Variants in ZC3H12B observed in about 807,000 individuals in gnomAD.
ZC3H12B encodes the protein probable ribonuclease ZC3H12B.
A neutral mutation model predicts 43.9 loss-of-function variants in ZC3H12B; 7 were observed. The observed-to-expected ratio is 0.16, with a 90% CI of 0.09 to 0.30. The LOEUF is 0.30. Among genes scored for constraint, ZC3H12B ranks in the 10% least tolerant of loss-of-function variants. The probability of loss-of-function intolerance (pLI) is 1.00; values close to 1 mark genes in which losing one functional copy is unlikely to be tolerated. For missense variants in ZC3H12B, 475 were observed against 670.2 expected, an observed-to-expected ratio of 0.71 and a Z score of 3.22; for synonymous variants, 222 against 241.7, an observed-to-expected ratio of 0.92 and a Z score of 0.76.
At chrX:65,448,508 A>G (rs2067411726) in intron 3 of ZC3H12B, among the ~76,000 whole-genome samples, 1 of 111,439 alleles carries the variant, frequency 9.0e-6, no homozygotes, top group African/African-American at 3.3e-5. Context: ...GTGCCCATCA[A>G]CAAATGTGTG....
At chrX:65,384,396 A>T (rs2066491548) in intron 2 of ZC3H12B, among the ~76,000 whole-genome samples, 1 of 111,313 alleles carries the variant, frequency 9.0e-6, no homozygotes, top group South Asian at 3.8e-4. Flanking sequence ...TAGCATTGGG[A>T]GATATACCTA....
At chrX:65,394,064 T>C (rs192880980) in intron 2 of ZC3H12B, among the ~76,000 whole-genome samples, 1 of 112,525 alleles carries the variant, frequency 8.9e-6, no homozygotes, top group African/African-American at 3.2e-5. Flanking sequence ...TTTTTTCTTG[T>C]AAATTTGTTT....
At chrX:65,231,871 A>G in the ZC3H12B span, among the ~76,000 whole-genome samples, 1 of 111,602 alleles carries the variant, frequency 9.0e-6, no homozygotes, top group Non-Finnish European at 1.9e-5. Flanking sequence ...TGTACAGTTA[A>G]CGCAATCATC....
chrX:65,274,342 A>G, the ZC3H12B span, among the ~76,000 whole-genome samples: 1 of 110,698 alleles, frequency 9.0e-6, no homozygotes, highest in South Asian at 3.8e-4. Context: ...GCTCAGCACC[A>G]TTTTGAGACC....
chrX:65,267,293 C>T, the ZC3H12B span, among the ~76,000 whole-genome samples: 2 of 105,350 alleles, frequency 1.9e-5, no homozygotes, highest in South Asian at 8.3e-4. Flanking sequence ...TCACTGGCTA[C>T]ACAAGAAAAA....
At chrX:65,323,903 G>T in the ZC3H12B span, among the ~76,000 whole-genome samples, 7 of 112,025 alleles carry the variant, frequency 6.2e-5, no homozygotes, top group East Asian at 8.4e-4. Context: ...GCATGAGATG[G>T]TATCTCATTG....
At chrX:65,279,811 C>G in the ZC3H12B span, among the ~76,000 whole-genome samples, 1 of 111,701 alleles carries the variant, frequency 9.0e-6, no homozygotes, top group Non-Finnish European at 1.9e-5. Context: ...AAAATATTTG[C>G]AAACTATGCA....
chrX:65,162,885 C>T, the ZC3H12B span, among the ~76,000 whole-genome samples: 1 of 111,840 alleles, frequency 8.9e-6, no homozygotes, highest in Admixed American at 9.5e-5. Context: ...GTTTTTTCCC[C>T]ATCTGTGTGG....
chrX:65,225,686 T>G, the ZC3H12B span, among the ~76,000 whole-genome samples: 2 of 111,007 alleles, frequency 1.8e-5, no homozygotes, highest in Non-Finnish European at 3.8e-5. Context: ...TTAAAGGAGG[T>G]GATGGAGCTG....
chrX:65,295,147 T>C, the ZC3H12B span, among the ~76,000 whole-genome samples: 1 of 111,339 alleles, frequency 9.0e-6, no homozygotes, highest in Non-Finnish European at 1.9e-5. Context: ...TGAAATGATA[T>C]TAAGTATTGT....
At chrX:65,293,797 G>T in the ZC3H12B span, among the ~76,000 whole-genome samples, 2 of 111,070 alleles carry the variant, frequency 1.8e-5, no homozygotes, top group Non-Finnish European at 3.8e-5. Context: ...CCCAATCCAA[G>T]AAAGACAAAG....
intron 2 of ZC3H12B, 121 bp downstream of exon 7, chrX:65,497,392 A>T: frequency 1.6e-6 from 1 of 628,945 alleles, no homozygotes; most frequent in Non-Finnish European, 2.2e-6. Context: ...AAGTATTTTT[A>T]TTAAGCATAT....
the ZC3H12B span, among the ~76,000 whole-genome samples, chrX:65,053,627 AT>A: frequency 4.1e-4 from 46 of 111,689 alleles, no homozygotes; most frequent in East Asian, 3.4e-3. Context: ...ATACCCAGTA[AT>A]GGGATGGCTG....
At chrX:65,092,102 C>A in the ZC3H12B span, among the ~76,000 whole-genome samples, 1 of 111,761 alleles carries the variant, frequency 8.9e-6, no homozygotes, top group African/African-American at 3.3e-5. Flanking sequence ...TCATCCTGCT[C>A]TGGTCTTGTG....
chrX:65,349,959 A>T, the ZC3H12B span, among the ~76,000 whole-genome samples: 1 of 112,175 alleles, frequency 8.9e-6, no homozygotes, highest in Non-Finnish European at 1.9e-5. Flanking sequence ...TCCTTCTGAA[A>T]CTATTCCAAA....
chrX:65,092,463 G>T, the ZC3H12B span, among the ~76,000 whole-genome samples: 1 of 111,718 alleles, frequency 9.0e-6, no homozygotes, highest in East Asian at 2.8e-4. Context: ...TGGTTAAATG[G>T]TTGTATTCAC....
At chrX:65,259,531 C>A in the ZC3H12B span, among the ~76,000 whole-genome samples, 1 of 111,692 alleles carries the variant, frequency 9.0e-6, no homozygotes, top group Non-Finnish European at 1.9e-5. Flanking sequence ...GATGCCAAAA[C>A]CAAGTGCAAG....
At chrX:65,216,608 C>A in the ZC3H12B span, among the ~76,000 whole-genome samples, 2 of 111,549 alleles carry the variant, frequency 1.8e-5, no homozygotes, top group Non-Finnish European at 1.9e-5. Flanking sequence ...GCTTGAGATA[C>A]AACCCAGTGC....
the ZC3H12B span, among the ~76,000 whole-genome samples, chrX:65,100,566 CAAAAA>C: frequency 8.8e-4 from 4 of 4,527 alleles, no homozygotes; most frequent in African/African-American, 3.4e-3. Context: ...AAAGATAAAG[CAAAAA>C]AAAAAAAAAA....
Sources: gnomAD v4.1 joint callset for allele counts (sites outside exome capture counted in the v4.1 genomes callset) on GRCh38, gnomAD v4.1.1 for gene constraint, MANE v1.5 for transcripts, NCBI Gene and HGNC (gene_info 2026-07-23, HGNC 2026-07-21) for gene names.